The following SLC12A3 variants were observed in gnomAD, a reference collection of about 807,000 sequenced individuals.
The protein encoded by SLC12A3 is Na-Cl cotransporter.
In SLC12A3, 104 loss-of-function variants were observed where a neutral mutation model predicts 121.0. The observed-to-expected ratio is 0.86, with a 90% CI of 0.73 to 1.01. The LOEUF (loss-of-function observed/expected upper bound fraction) is 1.01. SLC12A3 is among the 50% of genes least tolerant of loss of function. The pLI is 0.00. For synonymous variants in SLC12A3, 536 were observed against 533.4 expected, an observed-to-expected ratio of 1.00 and a Z score of -0.07; for missense variants, 1,328 against 1,356.3, an observed-to-expected ratio of 0.98 and a Z score of 0.33.
In SLC12A3 at chr16:56,870,200, G is replaced by T. The variant is rs1415815380; in HGVS notation, c.706G>T (p.Val236Leu). The T allele has an allele frequency of 1.2e-6, 2 of 1,613,944 alleles. No individual in the cohort carries two copies. The highest frequency in any genetic ancestry group is 1.7e-5 in the Admixed American group (1 of 60,030). ...TGCCGTGGGTGTGGCCATGCACACGGTGGGCTTTGCAGAGACCGTGCGGGA... is the reference window on the plus strand; with the variant it reads ...TGCCGTGGGTGTGGCCATGCACACGTTGGGCTTTGCAGAGACCGTGCGGGA... ...ANAVGVAMHTVGFAETVRDLL... is the reference protein window; with the variant it reads ...ANAVGVAMHTLGFAETVRDLL... The change falls in exon 5 of 26, where the codon GTG becomes TTG. Residue 236 changes from valine to leucine, a missense_variant. Val to Leu is a conservative substitution (Grantham distance 32). Coordinates refer to ENST00000563236, the MANE Select transcript of SLC12A3 (RefSeq NM_001126108.2).
intron 16 of SLC12A3, 102 bp downstream of exon 16, chr16:56,886,577 G>A: frequency 9.2e-7 from 1 of 1,091,578 alleles, no homozygotes. Flanking sequence ...CCGAGGTCAG[G>A]AGTTTGAGAC....
rs387907472 is a variant in SLC12A3 at position 56,879,081 on chromosome 16, G to A, written c.1189G>A (p.Val397Met). ...CTCCTTCCTCCTCTCAGGCTCCTGC[G>A]TGGTGCGTGATGCCTCTGGGGTCCT... is the stretch of plus-strand genomic sequence containing the variant. Reference protein sequence around the residue: ...LAISATIGSCVVRDASGVLND... With the variant: ...LAISATIGSCMVRDASGVLND... The change falls in exon 10 of 26, where the codon GTG becomes ATG. Residue 397 changes from valine (V) to methionine (M), a missense_variant. Physicochemically the swap from Val to Met is conservative, Grantham distance 21. Coordinates refer to ENST00000563236, the MANE Select transcript of SLC12A3 (RefSeq NM_001126108.2). 78 of 1,610,662 alleles carry A rather than the reference G, an allele frequency of 4.8e-5. 1 individual carries two copies. Among genetic ancestry groups the A allele is most frequent in the Admixed American group, 2.3e-4 (14 of 59,600 alleles).
chr16:56,907,287 C>T (rs2055620795), intron 25 of SLC12A3, among the ~76,000 whole-genome samples: 1 of 152,134 alleles, frequency 6.6e-6, no homozygotes, highest in Non-Finnish European at 1.5e-5. Flanking sequence ...GAAACCCCAC[C>T]TCTACTAAAA....
intron 8 of SLC12A3, among the ~76,000 whole-genome samples, chr16:56,875,574 T>A (rs889784813): frequency 6.6e-6 from 1 of 152,074 alleles, no homozygotes; most frequent in Non-Finnish European, 1.5e-5. Context: ...TTTCATCATC[T>A]AACAAATACG....
intron 10 of SLC12A3, 126 bp from the exon 11 acceptor site, chr16:56,879,416 G>T: frequency 1.9e-6 from 2 of 1,056,940 alleles, no homozygotes; most frequent in Admixed American, 3.9e-5. Flanking sequence ...ATCTCCAGGG[G>T]TGGGTTGTGG....
At chr16:56,891,994 C>T in intron 19 of SLC12A3, 89 bp from the exon 20 acceptor site, 2 of 1,002,428 alleles carry the variant, frequency 2.0e-6, no homozygotes, top group Non-Finnish European at 3.2e-6. Context: ...GGACTTTCTT[C>T]CTAGCATTAA....
At chr16:56,893,326 G>C (rs1456742684) in intron 21 of SLC12A3, among the ~76,000 whole-genome samples, 1 of 152,246 alleles carries the variant, frequency 6.6e-6, no homozygotes, top group African/African-American at 2.4e-5. Context: ...TAAATGGGGA[G>C]ATGGGCGGTG....
chr16:56,870,735 A>C lies in SLC12A3; in HGVS notation c.851A>C (p.Lys284Thr), dbSNP rs1300608983. ...CTGGCTGGCATGGAGTGGGAGTCCAAGGTGAGGAGGCCATGGAGGAGGGGG... is the reference window on the plus strand; with the variant it reads ...CTGGCTGGCATGGAGTGGGAGTCCACGGTGAGGAGGCCATGGAGGAGGGGG... ...ISLAGMEWES[K>T]AQVLFFLVIM... Residue 284 changes from lysine to threonine, a missense_variant and splice_region_variant, in exon 6 of 26, where the codon AAG (lysine) becomes ACG (threonine). Transcript: ENST00000563236. 1.3e-6 allele frequency: 2 copies of C among 1,599,676 alleles called. No individual in the cohort carries two copies. The highest frequency in any genetic ancestry group is 2.7e-5 in the African/African-American group (2 of 74,598).
At chr16:56,906,854 A>G (rs2055614231) in intron 25 of SLC12A3, 1 of 633,938 alleles carries the variant, frequency 1.6e-6, no homozygotes, top group South Asian at 1.4e-5. Context: ...GAAAGCAATG[A>G]AAGGAATGCA....
intron 8 of SLC12A3, among the ~76,000 whole-genome samples, chr16:56,874,999 G>A (rs2055148256): frequency 6.6e-6 from 1 of 152,180 alleles, no homozygotes; most frequent in Non-Finnish European, 1.5e-5. Flanking sequence ...GTCCCGCAGA[G>A]GTTGGGCCTG....
chr16:56,870,620 C>T lies in SLC12A3; in HGVS notation c.742-6C>T, dbSNP rs370741134. On this transcript the variant is annotated splice_region_variant and splice_polypyrimidine_tract_variant and intron_variant, in intron 5 of 25. Transcript: ENST00000563236. ...GCTTGCAGCCTGGCCCATTTTCCCTCCCCAGGAGTATGGGGCACCCATCGT... is the reference window on the plus strand; with the variant it reads ...GCTTGCAGCCTGGCCCATTTTCCCTTCCCAGGAGTATGGGGCACCCATCGT... The T allele has an allele frequency of 4.2e-5, 67 of 1,585,204 alleles. No individual in the cohort carries two copies. The African/African-American group carries it at 8.3e-4, about 20-fold the overall frequency.
At chr16:56,872,293 G>A in intron 6 of SLC12A3, 58 bp from the exon 7 acceptor site, 2 of 1,246,004 alleles carry the variant, frequency 1.6e-6, no homozygotes, top group Non-Finnish European at 2.4e-6. Flanking sequence ...TTCTGGCGGG[G>A]CTTCCCAGAG....
chr16:56,892,916 T>C lies in SLC12A3; in HGVS notation c.2420-37T>C, dbSNP rs2278489. ...GGCCAGGCCTGCCTGGATGCGCGGC[T>C]GCTGGCTCTGCTCTGACCCGCCCCC... On this transcript the variant is annotated intron_variant, in intron 20 of 25. Coordinates refer to ENST00000563236, the MANE Select transcript of SLC12A3 (RefSeq NM_001126108.2). The C allele has an allele frequency of 0.54, 851,216 of 1,568,198 alleles. 233,177 individuals are homozygous for C. Among genetic ancestry groups the C allele is most frequent in the African/African-American group, 0.69 (50,866 of 74,112 alleles).
rs748509076 is a variant in SLC12A3, at chr16:56,893,024, A to G, written c.2491A>G (p.Ile831Val). 8.1e-6 allele frequency: 13 copies of G among 1,614,094 alleles called. No homozygotes were observed. Among genetic ancestry groups the G allele is most frequent in the Non-Finnish European group, 8.5e-7 (1 of 1,180,004 alleles). ...CCAGTCGGAGCAGGGCAAGAAGACC[A>G]TAGACATCTACTGGCTCTTTGACGA... Reference protein sequence around the residue: ...IFQSEQGKKTIDIYWLFDDGG... With the variant: ...IFQSEQGKKTVDIYWLFDDGG... The change falls in exon 21 of 26, where the codon ATA becomes GTA. Residue 831 changes from isoleucine (I) to valine (V), a missense_variant. By Grantham distance (29) the Ile-to-Val change is conservative. Coordinates refer to ENST00000563236, the MANE Select transcript of SLC12A3 (RefSeq NM_001126108.2).
rs566739425 is a variant in SLC12A3 at position 56,902,655 on chromosome 16, G to A, written c.2856+147G>A. 8.2e-4 allele frequency: 809 copies of A among 981,636 alleles called. 2 individuals are homozygous for A. Among genetic ancestry groups the A allele is most frequent in the South Asian group, 3.1e-3 (215 of 69,722 alleles). The allele number at this position is 981,636 out of a possible 1,614,324, so 60.8% of individuals were successfully genotyped here. ...CCTGAGGTATCCTCAAGCCACAGTC[G>A]TTCAGGCTGATGGGTAACCCGGCTG... On this transcript the variant is annotated intron_variant, in intron 24 of 25. Transcript: ENST00000563236.
intron 13 of SLC12A3, 66 bp downstream of exon 13, chr16:56,882,563 G>A (rs546693003): frequency 1.7e-6 from 2 of 1,207,498 alleles, no homozygotes; most frequent in Non-Finnish European, 2.5e-6. Flanking sequence ...GGGGCATGGG[G>A]TGGGAGTGGG....
At chr16:56,880,081 G>T (rs1316611663) in intron 11 of SLC12A3, 49 bp from the exon 12 acceptor site, 1 of 1,593,690 alleles carries the variant, frequency 6.3e-7, no homozygotes. Flanking sequence ...CAGGGGAGGG[G>T]AAGTGGCAGG....
Position 56,888,549 on chromosome 16 carries a change from A to ATTTTTTTTTT in SLC12A3, c.2285+536_2285+545dup, listed in dbSNP as rs749206626. ...GGGCCCAATGTTGCCAGATCTTTTA[A>ATTTTTTTTTT]TTTTTTTTTTTTTTTTTTTTTTTTT... On this transcript the variant is annotated intron_variant, in intron 18 of 25. Coordinates refer to ENST00000563236, the MANE Select transcript of SLC12A3 (RefSeq NM_001126108.2). Among the ~76,000 whole-genome samples, 8 of 85,918 alleles carry ATTTTTTTTTT rather than the reference A, an allele frequency of 9.3e-5. 1 individual carries two copies. Among genetic ancestry groups the ATTTTTTTTTT allele is most frequent in the Non-Finnish European group, 1.2e-4 (6 of 48,252 alleles). 56.4% of individuals were successfully genotyped at this position (85,918 alleles called of 152,430 possible). A position where few individuals can be genotyped will look rare whatever the true frequency, so the allele number is the denominator to read the frequency against.
intron 2 of SLC12A3, 112 bp downstream of exon 2, chr16:56,867,328 C>A: frequency 9.2e-7 from 1 of 1,091,124 alleles, no homozygotes; most frequent in Non-Finnish European, 1.3e-6. Flanking sequence ...GTTTCCCCAT[C>A]TGTACAATGA....
Sources: gnomAD v4.1 joint callset for allele counts (sites outside exome capture counted in the v4.1 genomes callset) on GRCh38, gnomAD v4.1.1 for gene constraint, MANE v1.5 for transcripts, NCBI Gene and HGNC (gene_info 2026-07-23, HGNC 2026-07-21) for gene names.